Variants in GMEB1 observed in about 807,000 individuals in gnomAD.
GMEB1 encodes the protein glucocorticoid modulatory element-binding protein 1.
A neutral mutation model predicts 52.4 loss-of-function variants in GMEB1; 6 were observed. The observed-to-expected ratio is 0.11, with a 90% confidence interval of 0.06 to 0.23. The LOEUF (loss-of-function observed/expected upper bound fraction) is 0.23, where lower values mean the gene tolerates loss of function less well. Among genes scored for constraint, GMEB1 ranks in the 10% least tolerant of loss-of-function variants. The pLI is 1.00. For missense variants in GMEB1, 486 were observed against 685.6 expected (o/e 0.71, Z 3.25); for synonymous variants, 255 against 244.9 (o/e 1.04, Z -0.38).
At chr1:28,696,306 A>T (rs192826412) in intron 5 of GMEB1, among the ~76,000 whole-genome samples, 3 of 152,154 alleles carry the variant, frequency 2.0e-5, no homozygotes, top group Admixed American at 2.0e-4. Flanking sequence ...AGTTCAAGTG[A>T]TCCTCCTGCC....
intron 3 of GMEB1, among the ~76,000 whole-genome samples, chr1:28,690,670 CAATT>C (rs1297540779): frequency 2.0e-5 from 3 of 152,094 alleles, no homozygotes; most frequent in Non-Finnish European, 4.4e-5. Flanking sequence ...ACCTAGGAAA[CAATT>C]AATTAATTAA....
At chr1:28,681,403 A>C (rs1669382870) in intron 1 of GMEB1, among the ~76,000 whole-genome samples, 1 of 152,166 alleles carries the variant, frequency 6.6e-6, no homozygotes, top group African/African-American at 2.4e-5. Flanking sequence ...GGCTTTGTGG[A>C]GAAGTGAGCT....
chr1:28,694,961 CTTTTT>C (rs556692778), intron 5 of GMEB1, among the ~76,000 whole-genome samples: 1 of 105,488 alleles, frequency 9.5e-6, no homozygotes, highest in Non-Finnish European at 1.9e-5. Context: ...CGTGGCCAGC[CTTTTT>C]TTTTTTTTTT....
intron 1 of GMEB1, among the ~76,000 whole-genome samples, chr1:28,678,895 T>G (rs756539147): frequency 4.0e-5 from 6 of 151,532 alleles, no homozygotes; most frequent in Non-Finnish European, 7.4e-5. Context: ...TAGTTGTTTT[T>G]TTTGTTTGTT....
Position 28,715,736 on chromosome 1 carries a change from T to C in GMEB1, c.*963T>C, listed in dbSNP as rs1671256506. The C allele has an allele frequency of 6.6e-6, 1 of 151,176 alleles. No individual in the cohort carries two copies. The allele number at this position is 151,176 out of a possible 1,614,324, so 9.4% of individuals were successfully genotyped here. ...GAGTGCCATTTTGAGAAGAAGGTGGTAATAAGTGGAAGGTACATCTCCACA... is the reference window on the plus strand; with the variant it reads ...GAGTGCCATTTTGAGAAGAAGGTGGCAATAAGTGGAAGGTACATCTCCACA... On this transcript the variant is annotated 3_prime_UTR_variant, in exon 10 of 10. Coordinates refer to ENST00000373816, the MANE Select transcript of GMEB1 (RefSeq NM_001319674.2).
intron 2 of GMEB1, among the ~76,000 whole-genome samples, chr1:28,685,647 A>T (rs1669606066): frequency 6.6e-6 from 1 of 152,170 alleles, no homozygotes. Context: ...GTTACTTTAG[A>T]TAATTTTTCC....
Position 28,690,193 on chromosome 1 carries a change from GT to G in GMEB1, c.211+14del, listed in dbSNP as rs770004132. ...AAAATTGAAGAAGGGATTGGTAAGG[GT>G]TTTTTTGTGTTTTTTTTTTTTTTTT... On this transcript the variant is annotated splice_region_variant and intron_variant, in intron 3 of 9. Transcript: ENST00000373816. 1.8e-5 allele frequency: 14 copies of G among 785,370 alleles called. No homozygotes were observed. The highest frequency in any genetic ancestry group is 3.1e-5 in the East Asian group (1 of 31,964). The allele number at this position is 785,370 out of a possible 1,614,324, so 48.7% of individuals were successfully genotyped here.
intron 2 of GMEB1, among the ~76,000 whole-genome samples, chr1:28,686,008 A>G (rs971121984): frequency 6.6e-6 from 1 of 151,876 alleles, no homozygotes; most frequent in Non-Finnish European, 1.5e-5. Flanking sequence ...AATATAGACT[A>G]CCTCCTACTT....
Position 28,691,636 on chromosome 1 carries a change from C to G in GMEB1, c.263C>G (p.Thr88Ser). Residue 88 changes from threonine to serine, a missense_variant, in exon 4 of 10, where the codon ACT becomes AGT. Thr to Ser is a moderately conservative substitution (Grantham distance 58). Coordinates refer to ENST00000373816, the MANE Select transcript of GMEB1 (RefSeq NM_001319674.2). ...GATATGGAAATTGCTTACCCCATAACTTGTGGGGAGAGCAAAGCCATCCTC... is the reference window on the plus strand; with the variant it reads ...GATATGGAAATTGCTTACCCCATAAGTTGTGGGGAGAGCAAAGCCATCCTC... ...NEDMEIAYPI[T>S]CGESKAILLW... 6.3e-7 allele frequency: 1 copy of G among 1,575,072 alleles called. No homozygotes were observed.
At chr1:28,712,473 C>T (rs1329949974) in intron 9 of GMEB1, among the ~76,000 whole-genome samples, 1 of 152,146 alleles carries the variant, frequency 6.6e-6, no homozygotes, top group East Asian at 1.9e-4. Flanking sequence ...GGTGACCAGC[C>T]CCCATCTTGA....
At chr1:28,705,532 C>T (rs1454091708) in intron 8 of GMEB1, among the ~76,000 whole-genome samples, 1 of 150,676 alleles carries the variant, frequency 6.6e-6, no homozygotes, top group Non-Finnish European at 1.5e-5. Flanking sequence ...TAACTGCAAC[C>T]TCCACCTCCT....
chr1:28,695,331 C>G (rs1282056846), intron 5 of GMEB1, among the ~76,000 whole-genome samples: 3 of 151,812 alleles, frequency 2.0e-5, no homozygotes, highest in Admixed American at 2.0e-4. Flanking sequence ...CTCCTAGATT[C>G]AAGCAATTCT....
chr1:28,694,892 G>C (rs573635069), intron 5 of GMEB1, among the ~76,000 whole-genome samples: 1 of 147,916 alleles, frequency 6.8e-6, no homozygotes, highest in South Asian at 2.1e-4. Flanking sequence ...TCGAACTCCT[G>C]ACCTCTTGAT....
At chr1:28,704,459 G>T in intron 8 of GMEB1, 130 bp downstream of exon 8, 1 of 649,050 alleles carries the variant, frequency 1.5e-6, no homozygotes. Context: ...AGGAAACTAA[G>T]GCTCATATAA....
intron 1 of GMEB1, among the ~76,000 whole-genome samples, chr1:28,672,704 C>T (rs1280329348): frequency 2.0e-5 from 3 of 151,032 alleles, no homozygotes; most frequent in African/African-American, 4.9e-5. Context: ...AATGCTATCC[C>T]TCCCCACTCT....
chr1:28,702,980 G>A (rs750163242), intron 7 of GMEB1, among the ~76,000 whole-genome samples: 3 of 152,114 alleles, frequency 2.0e-5, no homozygotes, highest in Non-Finnish European at 4.4e-5. Flanking sequence ...TCGCGCCACT[G>A]CACTCCAGCC....
chr1:28,675,475 T>C (rs1371695528), intron 1 of GMEB1, among the ~76,000 whole-genome samples: 1 of 151,678 alleles, frequency 6.6e-6, no homozygotes, highest in African/African-American at 2.4e-5. Flanking sequence ...GACCAGGAGT[T>C]CTGACACCAG....
At position 28,689,984 on chromosome 1, in the gene GMEB1, A is replaced by G. The variant is rs1310221784; in HGVS notation, c.129-120A>G. Reference sequence around the variant, plus strand: ...CAATGGGAAACTAGTCAGAGTTATAAAGTATATTTATTTTATTTCTTTTGA... The same window carrying G: ...CAATGGGAAACTAGTCAGAGTTATAGAGTATATTTATTTTATTTCTTTTGA... On this transcript the variant is annotated intron_variant, in intron 2 of 9. Coordinates refer to ENST00000373816, the MANE Select transcript of GMEB1 (RefSeq NM_001319674.2). The G allele has an allele frequency of 5.3e-5, 33 of 627,382 alleles. No individual in the cohort carries two copies. In the South Asian group the frequency reaches 5.8e-4, roughly 11 times the overall value. The allele number at this position is 627,382 out of a possible 1,614,324, so 38.9% of individuals were successfully genotyped here. A position where few individuals can be genotyped will look rare whatever the true frequency, so the allele number is the denominator to read the frequency against.
intron 8 of GMEB1, among the ~76,000 whole-genome samples, chr1:28,705,816 A>G (rs890378668): frequency 1.3e-5 from 2 of 151,946 alleles, no homozygotes; most frequent in Non-Finnish European, 2.9e-5. Flanking sequence ...GTGTATGTAT[A>G]GAGAAAGAGT....
Sources: gnomAD v4.1 joint callset for allele counts (sites outside exome capture counted in the v4.1 genomes callset) on GRCh38, gnomAD v4.1.1 for gene constraint, MANE v1.5 for transcripts, NCBI Gene and HGNC (gene_info 2026-07-23, HGNC 2026-07-21) for gene names.